The following TEAD1 variants were observed in gnomAD, a reference collection of about 807,000 sequenced individuals.
The protein encoded by TEAD1 is TEA domain transcription factor 1.
TEAD1 carries 9 observed loss-of-function variants against 54.9 expected under a neutral mutation model. The ratio of observed to expected loss-of-function variants is 0.16; its 90% CI spans 0.10 to 0.29. The LOEUF is 0.29. Among genes scored for constraint, TEAD1 ranks in the 10% least tolerant of loss-of-function variants. The probability of loss-of-function intolerance (pLI) is 1.00; values close to 1 mark genes in which losing one functional copy is unlikely to be tolerated. For missense variants in TEAD1, 387 were observed against 535.9 expected, an observed-to-expected ratio of 0.72 and a Z score of 2.74; for synonymous variants, 200 against 187.8, an observed-to-expected ratio of 1.07 and a Z score of -0.53.
At chr11:12,911,264 A>G (rs1377605816) in intron 10 of TEAD1, among the ~76,000 whole-genome samples, 1 of 152,198 alleles carries the variant, frequency 6.6e-6, no homozygotes, top group Non-Finnish European at 1.5e-5. Flanking sequence ...GTTTTATTTA[A>G]AGAGAAGAAA....
chr11:12,710,198 C>T (rs907118697), intron 2 of TEAD1, among the ~76,000 whole-genome samples: 4 of 152,032 alleles, frequency 2.6e-5, no homozygotes, highest in Admixed American at 2.6e-4. Flanking sequence ...ATGCTTCACA[C>T]CTGTAGTCTC....
intron 3 of TEAD1, among the ~76,000 whole-genome samples, chr11:12,852,364 C>T (rs903934887): frequency 3.3e-5 from 5 of 151,688 alleles, no homozygotes; most frequent in South Asian, 2.1e-4. Flanking sequence ...ACATGGTGGG[C>T]GCCTGAGAGC....
At chr11:12,879,975 T>G (rs1947932979) in intron 6 of TEAD1, 133 bp downstream of exon 6, 1 of 1,348,214 alleles carries the variant, frequency 7.4e-7, no homozygotes, top group African/African-American at 1.4e-5. Flanking sequence ...CCTTGTCAAC[T>G]GATAACTGAG....
At chr11:12,760,431 G>A (rs1945077054) in intron 2 of TEAD1, among the ~76,000 whole-genome samples, 1 of 152,162 alleles carries the variant, frequency 6.6e-6, no homozygotes. Flanking sequence ...GGGCGAGTAG[G>A]TTTGAAACCC....
At chr11:12,714,309 T>G (rs1192053667) in intron 2 of TEAD1, among the ~76,000 whole-genome samples, 8 of 152,138 alleles carry the variant, frequency 5.3e-5, no homozygotes, top group African/African-American at 1.9e-4. Flanking sequence ...GATGATAGGA[T>G]CTGCACCCTG....
intron 3 of TEAD1, 141 bp from the exon 4 acceptor site, chr11:12,862,109 C>T: frequency 1.7e-6 from 1 of 595,636 alleles, no homozygotes. Context: ...GACAATTGTG[C>T]TGTTTTATTT....
intron 2 of TEAD1, among the ~76,000 whole-genome samples, chr11:12,706,735 GC>G (rs1943823718): frequency 6.6e-6 from 1 of 152,172 alleles, no homozygotes. Flanking sequence ...GTGTGGCCGG[GC>G]CAGATGGGCT....
intron 2 of TEAD1, among the ~76,000 whole-genome samples, chr11:12,747,695 AC>A (rs1944775617): frequency 6.6e-6 from 1 of 152,148 alleles, no homozygotes; most frequent in South Asian, 2.1e-4. Flanking sequence ...GTTAAGACAT[AC>A]TACCCATGCT....
intron 2 of TEAD1, among the ~76,000 whole-genome samples, chr11:12,691,368 T>A (rs1228284741): frequency 6.6e-6 from 1 of 152,266 alleles, no homozygotes; most frequent in South Asian, 2.1e-4. Context: ...TCTGCAGAGT[T>A]TGGGTTCCTT....
intron 10 of TEAD1, among the ~76,000 whole-genome samples, chr11:12,902,956 T>G (rs1948450542): frequency 6.6e-6 from 1 of 152,096 alleles, no homozygotes; most frequent in Admixed American, 6.6e-5. Context: ...ACCATTGATT[T>G]CTCTTTTAAT....
At chr11:12,815,829 A>G (rs1052777420) in intron 3 of TEAD1, among the ~76,000 whole-genome samples, 3 of 152,210 alleles carry the variant, frequency 2.0e-5, no homozygotes, top group African/African-American at 7.2e-5. Flanking sequence ...ACCAACACAT[A>G]TAAGTTGTTG....
chr11:12,751,858 C>T (rs976736356), intron 2 of TEAD1, among the ~76,000 whole-genome samples: 1 of 152,188 alleles, frequency 6.6e-6, no homozygotes, highest in Non-Finnish European at 1.5e-5. Context: ...CCAAAACCAC[C>T]TCTGAGCACT....
intron 3 of TEAD1, among the ~76,000 whole-genome samples, chr11:12,852,000 ACT>A (rs1159073066): frequency 1.3e-5 from 2 of 152,038 alleles, no homozygotes; most frequent in Non-Finnish European, 2.9e-5. Context: ...GAAATGACTA[ACT>A]CAGTTTGGAT....
chr11:12,864,681 T>C (rs1448516494), intron 4 of TEAD1, 157 bp from the exon 5 acceptor site: 1 of 1,492,268 alleles, frequency 6.7e-7, no homozygotes, highest in African/African-American at 1.4e-5. Context: ...ACCCGAACAA[T>C]GTAGGTGTCT....
At chr11:12,866,813 C>T (rs182769148) in intron 5 of TEAD1, among the ~76,000 whole-genome samples, 9 of 152,238 alleles carry the variant, frequency 5.9e-5, no homozygotes, top group African/African-American at 1.9e-4. Flanking sequence ...CTGAGTGTTC[C>T]AGGCATGGTG....
chr11:12,757,534 G>T (rs920013391), intron 2 of TEAD1, among the ~76,000 whole-genome samples: 1 of 152,128 alleles, frequency 6.6e-6, no homozygotes. Context: ...TAAGAAATTG[G>T]ATCAGCCACC....
intron 2 of TEAD1, among the ~76,000 whole-genome samples, chr11:12,751,527 C>T (rs371846433): frequency 5.3e-5 from 8 of 152,032 alleles, no homozygotes; most frequent in East Asian, 1.9e-4. Context: ...TTATTTGTCT[C>T]GCTGCTGGAG....
chr11:12,851,989 G>T (rs1947284458), intron 3 of TEAD1, among the ~76,000 whole-genome samples: 1 of 152,126 alleles, frequency 6.6e-6, no homozygotes, highest in Non-Finnish European at 1.5e-5. Context: ...TTACAAAGCA[G>T]GAAATGACTA....
intron 9 of TEAD1, among the ~76,000 whole-genome samples, chr11:12,888,916 G>C (rs1948143160): frequency 6.6e-6 from 1 of 152,250 alleles, no homozygotes; most frequent in South Asian, 2.1e-4. Context: ...GGGCCGTAAG[G>C]AGCTAATGGG....
Sources: allele counts gnomAD v4.1 joint callset (sites outside exome capture counted in the v4.1 genomes callset), GRCh38; gene constraint gnomAD v4.1.1; transcripts MANE v1.5; gene names NCBI Gene and HGNC (gene_info 2026-07-23, HGNC 2026-07-21).